Variants in CDH12 observed in about 807,000 individuals in gnomAD.
CDH12 encodes the protein cadherin 12, also known as cadherin-12.
CDH12 carries 41 observed loss-of-function variants against 74.1 expected under a neutral mutation model. The ratio of observed to expected loss-of-function variants is 0.55; its 90% CI spans 0.43 to 0.72. The LOEUF (loss-of-function observed/expected upper bound fraction) is 0.72. Ranked by LOEUF, CDH12 falls within the 30% of genes least tolerant of loss-of-function variation. The pLI, the probability that CDH12 is intolerant of heterozygous loss-of-function variation, is 0.00. For missense variants in CDH12, 945 were observed against 977.2 expected (o/e 0.97, Z 0.44); for synonymous variants, 399 against 355.0 (o/e 1.12, Z -1.39).
At chr5:22,299,835 T>A (rs1737791027) in intron 3 of CDH12, among the ~76,000 whole-genome samples, 1 of 152,154 alleles carries the variant, frequency 6.6e-6, no homozygotes, top group African/African-American at 2.4e-5. Context: ...TAAAAAATGA[T>A]TTAGTGATAA....
intron 5 of CDH12, among the ~76,000 whole-genome samples, chr5:21,995,733 A>G (rs1736249891): frequency 6.6e-6 from 1 of 151,232 alleles, no homozygotes; most frequent in Admixed American, 6.6e-5. Context: ...CTCCAAGCTA[A>G]CCTCTCTCCT....
At position 22,447,985 on chromosome 5, in the gene CDH12, T is replaced by TAAAAAAA. The variant is rs10660558; in HGVS notation, c.-427-42641_-427-42635dup. Among the ~76,000 whole-genome samples, 48 of 84,460 alleles carry TAAAAAAA rather than the reference T, an allele frequency of 5.7e-4. 1 individual carries two copies. Among genetic ancestry groups the TAAAAAAA allele is most frequent in the African/African-American group, 1.6e-3 (32 of 20,582 alleles). 55.4% of individuals were successfully genotyped at this position (84,460 alleles called of 152,430 possible). On this transcript the variant is annotated intron_variant, in intron 2 of 14. Coordinates refer to ENST00000382254, the MANE Select transcript of CDH12 (RefSeq NM_004061.5). ...ATGAGGCCTCCTTTCTACAAGAAATTAAAAAAAAAAAAAAAAAAAAGCCAG... is the reference window on the plus strand; with the variant it reads ...ATGAGGCCTCCTTTCTACAAGAAATTAAAAAAAAAAAAAAAAAAAAAAAAAAAGCCAG...
intron 1 of CDH12, among the ~76,000 whole-genome samples, chr5:22,525,669 T>G (rs1737239906): frequency 6.6e-6 from 1 of 152,102 alleles, no homozygotes; most frequent in African/African-American, 2.4e-5. Context: ...TCTCCCCATC[T>G]CTCTTTGTTT....
intron 11 of CDH12, among the ~76,000 whole-genome samples, chr5:21,776,521 T>C (rs1187718759): frequency 6.6e-6 from 1 of 152,216 alleles, no homozygotes; most frequent in Non-Finnish European, 1.5e-5. Flanking sequence ...CAAAGAAATG[T>C]TGCTGTCTTT....
chr5:22,715,201 C>T (rs1580918905), intron 1 of CDH12, among the ~76,000 whole-genome samples: 1 of 152,222 alleles, frequency 6.6e-6, no homozygotes, highest in East Asian at 1.9e-4. Flanking sequence ...ATCAGTAAAT[C>T]TGAGAATCAT....
intron 8 of CDH12, among the ~76,000 whole-genome samples, chr5:21,821,488 T>A (rs370227066): frequency 6.6e-6 from 1 of 151,858 alleles, no homozygotes; most frequent in Non-Finnish European, 1.5e-5. Context: ...ACTTTTGAAA[T>A]ACATTTTATT....
At chr5:21,987,760 C>T (rs534528858) in intron 5 of CDH12, among the ~76,000 whole-genome samples, 15 of 152,250 alleles carry the variant, frequency 9.9e-5, no homozygotes, top group Admixed American at 8.5e-4. Context: ...ATGAGCGCCA[C>T]GTTATCTCAA....
chr5:22,152,055 C>G (rs997697131), intron 4 of CDH12: 2 of 152,088 alleles, frequency 1.3e-5, no homozygotes, highest in African/African-American at 4.8e-5. Context: ...GCTCACGGAG[C>G]TGTGGGCCTG....
At chr5:22,444,342 A>G (rs1285300495) in intron 2 of CDH12, among the ~76,000 whole-genome samples, 1 of 152,074 alleles carries the variant, frequency 6.6e-6, no homozygotes, top group East Asian at 1.9e-4. Flanking sequence ...GGAAAAATGT[A>G]TTTCAAAGAC....
chr5:22,677,658 A>G (rs1353267040), intron 1 of CDH12, among the ~76,000 whole-genome samples: 1 of 152,164 alleles, frequency 6.6e-6, no homozygotes, highest in African/African-American at 2.4e-5. Flanking sequence ...ATGGAGGCAC[A>G]CAGATAATAA....
intron 1 of CDH12, among the ~76,000 whole-genome samples, chr5:22,850,526 G>C (rs1737501768): frequency 6.6e-6 from 1 of 151,898 alleles, no homozygotes; most frequent in South Asian, 2.1e-4. Flanking sequence ...TGTTAAACAG[G>C]AAGGATAAAT....
chr5:22,759,874 A>T (rs1052273898), intron 1 of CDH12, among the ~76,000 whole-genome samples: 2 of 152,158 alleles, frequency 1.3e-5, no homozygotes, highest in Non-Finnish European at 2.9e-5. Context: ...AGAAGAACTG[A>T]TGTTGTGCTT....
chr5:22,230,997 G>T (rs2150374895), intron 3 of CDH12, among the ~76,000 whole-genome samples: 1 of 152,282 alleles, frequency 6.6e-6, no homozygotes, highest in Non-Finnish European at 1.5e-5. Context: ...CCATATTCTT[G>T]TGACTTAAAT....
intron 4 of CDH12, among the ~76,000 whole-genome samples, chr5:22,174,054 G>A (rs1749197987): frequency 1.3e-5 from 2 of 151,924 alleles, no homozygotes; most frequent in South Asian, 4.1e-4. Context: ...AATGCTTTAC[G>A]AATAAATATC....
chr5:22,083,897 G>T (rs143713355), intron 4 of CDH12, among the ~76,000 whole-genome samples: 49 of 152,210 alleles, frequency 3.2e-4, no homozygotes, highest in African/African-American at 1.1e-3. Context: ...ACCTAAGCAG[G>T]TATTTCAATA....
At chr5:22,043,612 A>C (rs1431447217) in intron 5 of CDH12, among the ~76,000 whole-genome samples, 1 of 151,956 alleles carries the variant, frequency 6.6e-6, no homozygotes, top group East Asian at 1.9e-4. Flanking sequence ...TAAAATAAAA[A>C]AATAAAAAGC....
At chr5:22,833,956 T>C (rs1736720032) in intron 1 of CDH12, among the ~76,000 whole-genome samples, 1 of 152,132 alleles carries the variant, frequency 6.6e-6, no homozygotes, top group Non-Finnish European at 1.5e-5. Context: ...TTTAGCTTTG[T>C]TTTGAACCAA....
intron 2 of CDH12, among the ~76,000 whole-genome samples, chr5:22,439,722 G>T (rs903230656): frequency 1.3e-5 from 2 of 152,032 alleles, no homozygotes; most frequent in African/African-American, 4.8e-5. Flanking sequence ...CTCCAAATGT[G>T]CTGAGAGCAG....
At chr5:22,434,110 T>G (rs907245477) in intron 2 of CDH12, among the ~76,000 whole-genome samples, 1 of 152,158 alleles carries the variant, frequency 6.6e-6, no homozygotes, top group African/African-American at 2.4e-5. Context: ...GAGTGAGATG[T>G]GTCAGAAATG....
Sources: allele counts gnomAD v4.1 joint callset (sites outside exome capture counted in the v4.1 genomes callset), GRCh38; gene constraint gnomAD v4.1.1; transcripts MANE v1.5; gene names NCBI Gene and HGNC (gene_info 2026-07-23, HGNC 2026-07-21).